Variants in WWC2 observed in about 807,000 individuals in gnomAD.
WWC2 encodes the protein WW and C2 domain containing 2.
A neutral mutation model predicts 138.5 loss-of-function variants in WWC2; 101 were observed. That is an observed-to-expected ratio of 0.73 (90% confidence interval 0.62 to 0.86). WWC2 has a LOEUF of 0.86. WWC2 is among the 40% of genes least tolerant of loss of function. WWC2 has a pLI of 0.00. For synonymous variants in WWC2, 558 were observed against 538.4 expected (o/e 1.04, Z -0.50); for missense variants, 1,420 against 1,419.4 (o/e 1.00, Z -0.01).
chr4:183,173,546 C>T (rs1013046888), intron 1 of WWC2, among the ~76,000 whole-genome samples: 2 of 151,982 alleles, frequency 1.3e-5, no homozygotes, highest in South Asian at 4.1e-4. Context: ...TCTGGCTCTT[C>T]ACTCCTTCCA....
intron 1 of WWC2, among the ~76,000 whole-genome samples, chr4:183,179,334 A>AT (rs1331853042): frequency 6.6e-6 from 1 of 152,136 alleles, no homozygotes; most frequent in Admixed American, 6.6e-5. Flanking sequence ...ATATCCATGT[A>AT]TTTTTTAACT....
At position 183,282,759 on chromosome 4, in the gene WWC2, T is replaced by C; in HGVS notation, c.2736T>C (p.Ala912=). ...ATGAAATTGTGGCTGAAAAAGAGGC[T>C]GAAGTTAAATTGCCAGAGGACAGTA... is the stretch of plus-strand genomic sequence containing the variant. The part of the protein sequence containing the change: ...ASDEIVAEKE[A]EVKLPEDSSC... The change falls in exon 18 of 23, where the codon GCT becomes GCC. Residue 912 remains alanine (A), a synonymous_variant. Transcript: ENST00000403733. 6.3e-7 allele frequency: 1 copy of C among 1,579,870 alleles called. No individual in the cohort carries two copies.
chr4:183,217,717 A>G (rs1735794996), intron 4 of WWC2, among the ~76,000 whole-genome samples: 1 of 152,182 alleles, frequency 6.6e-6, no homozygotes, highest in Non-Finnish European at 1.5e-5. Context: ...AGGAATAGAA[A>G]CTACCGAAAA....
intron 4 of WWC2, among the ~76,000 whole-genome samples, chr4:183,234,952 A>C (rs911236057): frequency 6.6e-6 from 1 of 152,220 alleles, no homozygotes; most frequent in East Asian, 1.9e-4. Flanking sequence ...GTGATCCTCC[A>C]GTAGCTAGAA....
chr4:183,233,570 T>C (rs563410233), intron 4 of WWC2: 26 of 152,160 alleles, frequency 1.7e-4, no homozygotes, highest in Non-Finnish European at 3.7e-4. Flanking sequence ...ATTTTTCTCA[T>C]TGGCTTTTGT....
At chr4:183,200,868 G>T (rs146910354) in intron 2 of WWC2, among the ~76,000 whole-genome samples, 9 of 152,148 alleles carry the variant, frequency 5.9e-5, no homozygotes, top group African/African-American at 2.2e-4. Context: ...CTTATTCTAT[G>T]TTCTGTTCAT....
At chr4:183,286,795 G>C (rs1738268661) in intron 20 of WWC2, among the ~76,000 whole-genome samples, 1 of 152,140 alleles carries the variant, frequency 6.6e-6, no homozygotes. Context: ...TGGTCTAGAG[G>C]AGGACACAAC....
chr4:183,132,509 T>G (rs186503198), intron 1 of WWC2, among the ~76,000 whole-genome samples: 1 of 151,536 alleles, frequency 6.6e-6, no homozygotes, highest in African/African-American at 2.4e-5. Flanking sequence ...GCTGGAGTGC[T>G]GTGGCGCGAT....
chr4:183,194,940 G>A (rs753196605), intron 2 of WWC2, among the ~76,000 whole-genome samples: 5 of 152,150 alleles, frequency 3.3e-5, no homozygotes, highest in African/African-American at 4.8e-5. Flanking sequence ...GAAGAAATGC[G>A]ACTTTTTTGT....
intron 1 of WWC2, among the ~76,000 whole-genome samples, chr4:183,167,173 A>AT (rs1189911829): frequency 6.6e-6 from 1 of 152,174 alleles, no homozygotes; most frequent in Non-Finnish European, 1.5e-5. Flanking sequence ...TCTGGTGTTG[A>AT]TTTTTAAAAG....
At chr4:183,185,733 T>C (rs2111193410) in intron 1 of WWC2, among the ~76,000 whole-genome samples, 1 of 152,276 alleles carries the variant, frequency 6.6e-6, no homozygotes, top group Admixed American at 6.5e-5. Flanking sequence ...GAGAGATGTG[T>C]GTGTGTGACC....
At chr4:183,241,111 C>T (rs2111313259) in intron 5 of WWC2, among the ~76,000 whole-genome samples, 1 of 152,294 alleles carries the variant, frequency 6.6e-6, no homozygotes, top group South Asian at 2.1e-4. Flanking sequence ...TTCCCTCCTG[C>T]TTGGTGCCTC....
At position 183,192,266 on chromosome 4, in the gene WWC2, A is replaced by T. The variant is rs143121316; in HGVS notation, c.132-1333A>T. 5.1e-3 allele frequency among the ~76,000 whole-genome samples: 782 copies of T among 152,366 alleles called. 12 individuals carry two copies. The highest frequency in any genetic ancestry group is 0.018 in the African/African-American group (731 of 41,588). On this transcript the variant is annotated intron_variant, in intron 1 of 22. Coordinates refer to ENST00000403733, the MANE Select transcript of WWC2 (RefSeq NM_024949.6). The stretch of plus-strand genomic sequence containing the variant: ...TTATTTTAGGAGCTAGTTAAATTGC[A>T]GGGAGAGTACGTGAGGTTATACTCA...
intron 4 of WWC2, among the ~76,000 whole-genome samples, chr4:183,225,489 C>A (rs564950559): frequency 1.8e-4 from 27 of 152,190 alleles, no homozygotes; most frequent in African/African-American, 6.3e-4. Context: ...CAAAGTAATT[C>A]CAGATGGACC....
intron 17 of WWC2, 155 bp downstream of exon 17, chr4:183,281,052 T>C: frequency 4.4e-6 from 5 of 1,148,818 alleles, no homozygotes; most frequent in Middle Eastern, 4.1e-4. Context: ...CCTTGGTCAT[T>C]AGAGAGTTAA....
chr4:183,214,019 T>A (rs1023735413), intron 4 of WWC2, among the ~76,000 whole-genome samples: 1 of 152,170 alleles, frequency 6.6e-6, no homozygotes, highest in Non-Finnish European at 1.5e-5. Context: ...TATTACATTT[T>A]TACTATTGTT....
intron 1 of WWC2, among the ~76,000 whole-genome samples, chr4:183,140,174 A>G (rs2111093198): frequency 6.6e-6 from 1 of 152,350 alleles, no homozygotes; most frequent in Non-Finnish European, 1.5e-5. Context: ...AAATACTTGT[A>G]AATGAATGAA....
intron 1 of WWC2, among the ~76,000 whole-genome samples, chr4:183,136,575 C>T (rs72695787): frequency 0.042 from 6,438 of 152,124 alleles, 168 homozygotes; most frequent in African/African-American, 0.069. Flanking sequence ...GGATACGTTC[C>T]GAGAAATGTG....
intron 1 of WWC2, among the ~76,000 whole-genome samples, chr4:183,149,636 AT>A (rs983503030): frequency 8.0e-5 from 12 of 149,626 alleles, no homozygotes; most frequent in Non-Finnish European, 1.2e-4. Context: ...AAAAAAAAAA[AT>A]CTTTAAGTAT....
Sources: gnomAD v4.1 joint callset for allele counts (sites outside exome capture counted in the v4.1 genomes callset) on GRCh38, gnomAD v4.1.1 for gene constraint, MANE v1.5 for transcripts, NCBI Gene and HGNC (gene_info 2026-07-23, HGNC 2026-07-21) for gene names.